Variants in BRSK2 observed in about 807,000 individuals in gnomAD.
BRSK2 encodes serine/threonine-protein kinase BRSK2.
BRSK2 carries 19 observed loss-of-function variants against 83.3 expected under a neutral mutation model. That is an observed-to-expected ratio of 0.23 (90% CI 0.16 to 0.33). BRSK2 has a LOEUF of 0.33. Among genes scored for constraint, BRSK2 ranks in the 10% least tolerant of loss-of-function variants. The pLI, the probability that BRSK2 is intolerant of heterozygous loss-of-function variation, is 1.00. For missense variants in BRSK2, 798 were observed against 1,042.3 expected (o/e 0.77, Z 3.23); for synonymous variants, 519 against 435.4 (o/e 1.19, Z -2.39).
intron 1 of BRSK2, among the ~76,000 whole-genome samples, chr11:1,417,029 G>T (rs1485950043): frequency 6.6e-6 from 1 of 152,118 alleles, no homozygotes; most frequent in African/African-American, 2.4e-5. Context: ...TGTAGTGGCA[G>T]GCACCTGTAA....
intron 1 of BRSK2, among the ~76,000 whole-genome samples, chr11:1,402,572 C>A (rs113633870): frequency 2.8e-4 from 43 of 152,328 alleles, no homozygotes; most frequent in African/African-American, 8.9e-4. Flanking sequence ...CCCAGCCAGC[C>A]CTCCTGACTC....
In BRSK2 at chr11:1,456,337, T is replaced by G. The variant is rs369571994; in HGVS notation, c.1669-11T>G. On this transcript the variant is annotated splice_polypyrimidine_tract_variant and intron_variant, in intron 16 of 19. Transcript: ENST00000528841. The stretch of plus-strand genomic sequence containing the variant: ...CAGGCCAGCCACGCTCACGCTGCTC[T>G]CTCTCCACAGATTCCCAGTCTCAGC... 6.3e-5 allele frequency: 98 copies of G among 1,549,274 alleles called. No individual in the cohort carries two copies. The African/African-American group carries it at 6.8e-4, about 11-fold the overall frequency.
intron 19 of BRSK2, 45 bp from the exon 20 acceptor site, chr11:1,460,455 T>G (rs1679043544): frequency 8.7e-6 from 10 of 1,146,250 alleles, no homozygotes; most frequent in Admixed American, 1.1e-4. Flanking sequence ...TTTTTTTTCT[T>G]TTTTCCTTTT....
intron 19 of BRSK2, 38 bp from the exon 20 acceptor site, chr11:1,460,462 T>TTTTTTTTTTTTTTTTTTTTTC: frequency 7.6e-5 from 1 of 13,170 alleles, no homozygotes; most frequent in Non-Finnish European, 1.4e-4. Flanking sequence ...TCTTTTTTCC[T>TTTTTTTTTTTTTTTTTTTTTC]TTTTTTTTTT....
intron 1 of BRSK2, 96 bp from the exon 2 acceptor site, chr11:1,435,944 A>T: frequency 1.1e-6 from 1 of 892,602 alleles, no homozygotes; most frequent in Non-Finnish European, 1.7e-6. Flanking sequence ...CCTGCTGTCC[A>T]GGACGTGGGA....
rs1166289908 is a variant in BRSK2, at chr11:1,438,390, T to C, written c.271T>C (p.Leu91=). ...CGACGTTTATGAAAACAAAAAATATTTGTAGGTATTGCTGGGTCTGAAGAG... is the reference window on the plus strand; with the variant it reads ...CGACGTTTATGAAAACAAAAAATATCTGTAGGTATTGCTGGGTCTGAAGAG... ...LHDVYENKKY[L]YLVLEHVSGG... is the part of the protein sequence containing the mutation. The change falls in exon 3 of 20, where the codon TTG becomes CTG. Residue 91 remains leucine, a splice_region_variant and synonymous_variant. Coordinates refer to ENST00000528841, the MANE Select transcript of BRSK2 (RefSeq NM_001256627.2). This position sits in a 1 kb window ranked among gnomAD's most constrained non-coding sequence, Gnocchi z 6.4. The C allele has an allele frequency of 2.5e-6, 4 of 1,613,540 alleles. No individual in the cohort carries two copies. Among genetic ancestry groups the C allele is most frequent in the Non-Finnish European group, 3.4e-6 (4 of 1,179,616 alleles).
intron 1 of BRSK2, among the ~76,000 whole-genome samples, chr11:1,419,224 T>TG (rs1848410823): frequency 1.6e-5 from 1 of 61,826 alleles, no homozygotes; most frequent in Non-Finnish European, 3.3e-5. Context: ...ACTGGCGGGG[T>TG]GGGGGTCCTT....
intron 1 of BRSK2, among the ~76,000 whole-genome samples, chr11:1,424,215 G>A (rs1848943373): frequency 6.6e-6 from 1 of 152,226 alleles, no homozygotes; most frequent in Admixed American, 6.5e-5. Flanking sequence ...GCCCCGGGGA[G>A]CCCCACCATT....
At chr11:1,413,436 T>C (rs568580471) in intron 1 of BRSK2, among the ~76,000 whole-genome samples, 88 of 152,134 alleles carry the variant, frequency 5.8e-4, no homozygotes, top group African/African-American at 1.8e-3. Flanking sequence ...GCCTGAGCTG[T>C]CTCTGTCCAG....
At chr11:1,399,260 C>T (rs905365014) in intron 1 of BRSK2, among the ~76,000 whole-genome samples, 5 of 152,224 alleles carry the variant, frequency 3.3e-5, no homozygotes, top group Non-Finnish European at 5.9e-5. Flanking sequence ...GTGTCCACAC[C>T]GCAGTTTCCC....
rs781213875 is a variant in BRSK2, at chr11:1,445,297, G to C, written c.816G>C (p.Gly272=). The change falls in exon 10 of 20, where the codon GGG becomes GGC. Residue 272 remains glycine, a synonymous_variant. Transcript: ENST00000528841. Reference sequence around the variant, plus strand: ...GTGGCCCGTCCTGTGTCCACAGAGGGGGCAAGAATGAGCCCGAACCAGAGC... The same window carrying C: ...GTGGCCCGTCCTGTGTCCACAGAGGCGGCAAGAATGAGCCCGAACCAGAGC... The part of the protein sequence containing the change: ...EHIQKHIWYI[G]GKNEPEPEQP... 1.2e-6 allele frequency: 2 copies of C among 1,607,424 alleles called. No individual in the cohort carries two copies. The highest frequency in any genetic ancestry group is 2.2e-5 in the South Asian group (2 of 90,410).
At chr11:1,429,252 T>G (rs1190445568) in intron 1 of BRSK2, among the ~76,000 whole-genome samples, 4 of 108,732 alleles carry the variant, frequency 3.7e-5, no homozygotes, top group African/African-American at 5.2e-5. Context: ...CCTGGATGCA[T>G]GTGCACAGGT....
chr11:1,418,810 G>A lies in BRSK2; in HGVS notation c.92-17230G>A, dbSNP rs574520683. Among the ~76,000 whole-genome samples the A allele has an allele frequency of 7.9e-5, 12 of 152,400 alleles. 1 individual carries two copies. The highest frequency in any genetic ancestry group is 2.6e-4 in the African/African-American group (11 of 41,600). ...TGTTGGGCATGTGGGGGGCTGCTCA[G>A]CCAGATCCAAACAGGACTTCAGCTG... is the stretch of plus-strand genomic sequence containing the variant. On this transcript the variant is annotated intron_variant, in intron 1 of 19. Coordinates refer to ENST00000528841, the MANE Select transcript of BRSK2 (RefSeq NM_001256627.2).
intron 10 of BRSK2, 29 bp from the exon 11 acceptor site, chr11:1,445,542 G>GCGCGTCT: frequency 1.3e-6 from 2 of 1,593,256 alleles, no homozygotes; most frequent in Non-Finnish European, 1.7e-6. Context: ...CCGTGTGCCA[G>GCGCGTCT]CGCGTCTCGC....
In BRSK2 at chr11:1,410,196, T is replaced by C. The variant is rs1488462682; in HGVS notation, c.91+19821T>C. ...GGTTTGTGACGTCGGCCTCGCAGAGTGGTGACGGACACAGAGTCCGTGTTT... is the reference window on the plus strand; with the variant it reads ...GGTTTGTGACGTCGGCCTCGCAGAGCGGTGACGGACACAGAGTCCGTGTTT... On this transcript the variant is annotated intron_variant, in intron 1 of 19. Transcript: ENST00000528841. Among the ~76,000 whole-genome samples, 97 of 33,884 alleles carry C rather than the reference T, an allele frequency of 2.9e-3. No homozygotes were observed. The Middle Eastern group carries it at 0.065, about 23-fold the overall frequency. The allele number at this position is 33,884 out of a possible 152,430, so 22.2% of individuals were successfully genotyped here.
At chr11:1,414,220 T>C in intron 1 of BRSK2, among the ~76,000 whole-genome samples, 1 of 152,238 alleles carries the variant, frequency 6.6e-6, no homozygotes, top group South Asian at 2.1e-4. Flanking sequence ...TAAAATTCTA[T>C]GTGCAAATAG....
intron 1 of BRSK2, among the ~76,000 whole-genome samples, chr11:1,396,453 G>T (rs1846125789): frequency 6.6e-6 from 1 of 152,202 alleles, no homozygotes; most frequent in African/African-American, 2.4e-5. Flanking sequence ...TCTCATCATG[G>T]CCTCACCCTG....
rs538430097 is a variant in BRSK2, at chr11:1,443,032, G to A, written c.531-74G>A. 373 of 1,482,894 alleles carry A rather than the reference G, an allele frequency of 2.5e-4. 2 individuals carry two copies. In the African/African-American group the frequency reaches 4.4e-3, roughly 18 times the overall value. The allele number at this position is 1,482,894 out of a possible 1,614,324, so 91.9% of individuals were successfully genotyped here. On this transcript the variant is annotated intron_variant, in intron 5 of 19. Coordinates refer to ENST00000528841, the MANE Select transcript of BRSK2 (RefSeq NM_001256627.2). ...CTGGAGGCCTCCTTGAGGGCCCTGC[G>A]GTGCACCATCACCCTGGGGGGAGGG... is the stretch of plus-strand genomic sequence containing the variant.
At chr11:1,451,299 G>A (rs34135090) in intron 14 of BRSK2, 72 bp from the exon 15 acceptor site, 101,556 of 1,568,568 alleles carry the variant, frequency 0.065, 3,560 homozygotes, top group Middle Eastern at 0.079. Flanking sequence ...TGACCTCGGC[G>A]CAAGGTGGCC....
Sources: gnomAD v4.1 joint callset for allele counts (sites outside exome capture counted in the v4.1 genomes callset) on GRCh38, gnomAD v4.1.1 for gene constraint, Gnocchi (gnomAD v3.1) non-coding constraint, MANE v1.5 for transcripts, NCBI Gene and HGNC (gene_info 2026-07-23, HGNC 2026-07-21) for gene names.